TTN: variants seen among roughly 807,000 people sequenced by gnomAD.
TTN encodes titin, also known as connectin.
In TTN, 1,525 loss-of-function variants were observed where a neutral mutation model predicts 3,223.0. The observed-to-expected ratio is 0.47, with a 90% CI of 0.45 to 0.49. The LOEUF is 0.49. Ranked by LOEUF, TTN falls within the 20% of genes least tolerant of loss-of-function variation. The pLI is 0.00. For missense variants in TTN, 40,786 were observed against 43,424.0 expected (o/e 0.94, Z 5.40); for synonymous variants, 14,094 against 15,161.0 (o/e 0.93, Z 5.17).
At position 178,617,393 on chromosome 2, in the gene TTN, G is replaced by C; in HGVS notation, c.47692C>G (p.Arg15898Gly). The C allele has an allele frequency of 1.3e-6, 2 of 1,589,510 alleles. No homozygotes were observed. Among genetic ancestry groups the C allele is most frequent in the Non-Finnish European group, 1.7e-6 (2 of 1,170,750 alleles). ...GSPILGYIIE[R>G]CEEGKDNWIR... ...CAATTATCTTTTCCTTCTTCGCATCGCTCAATTATATAGCCTAATATTGGG... is the reference window on the plus strand; with the variant it reads ...CAATTATCTTTTCCTTCTTCGCATCCCTCAATTATATAGCCTAATATTGGG... Residue 15898 changes from arginine to glycine, a missense_variant, in exon 254 of 363, where the codon CGA (arginine) becomes GGA (glycine). Transcript: ENST00000589042.
In TTN at chr2:178,634,792, G is replaced by T. The variant is rs777098368; in HGVS notation, c.42082C>A (p.Leu14028Met). The T allele has an allele frequency of 6.2e-7, 1 of 1,612,994 alleles. No individual in the cohort carries two copies. Among genetic ancestry groups the T allele is most frequent in the Non-Finnish European group, 8.5e-7 (1 of 1,179,404 alleles). ...TAGAGGACTTCACCAGCTTGGTCCA[G>T]TTTGACTTTGTGCAAAGTTAAGAAG... ...KRFLTLHKVKLDQAGEVLYQA... is the reference protein window; with the variant it reads ...KRFLTLHKVKMDQAGEVLYQA... The change falls in exon 229 of 363, where the codon CTG becomes ATG. Residue 14028 changes from leucine (L) to methionine (M), a missense_variant. Physicochemically the swap from Leu to Met is conservative, Grantham distance 15. Transcript: ENST00000589042. This position sits in a 1 kb window ranked among gnomAD's most constrained non-coding sequence, Gnocchi z 4.6.
rs752560835 is a variant in TTN at position 178,789,461 on chromosome 2, T to C, written c.1975A>G (p.Ile659Val). Residue 659 changes from isoleucine to valine, a missense_variant, in exon 13 of 363, where the codon ATA (isoleucine) becomes GTA (valine). Physicochemically the swap from Ile to Val is conservative, Grantham distance 29 (BLOSUM62 3). Coordinates refer to ENST00000589042, the MANE Select transcript of TTN (RefSeq NM_001267550.2). ...TTGGCTTTAGCAGTAGCAACTGCTA[T>C]TGTAGACAAGGCAGTTTTCTCGGCT... ...KEAEKTALST[I>V]AVATAKAKEQ... is the part of the protein sequence containing the mutation. 8.1e-6 allele frequency: 13 copies of C among 1,613,460 alleles called. No homozygotes were observed. The highest frequency in any genetic ancestry group is 3.3e-5 in the Admixed American group (2 of 60,002).
Position 178,723,063 on chromosome 2 carries a change from G to A in TTN, c.21944C>T (p.Ala7315Val), listed in dbSNP as rs771646076. The stretch of plus-strand genomic sequence containing the variant: ...CAACACACCTAATGTAGATACCAGA[G>A]CTCCACAAACATCCCTTCCTGCCTC... ...ENEAGRDVCG[A>V]LVSTLEPPYF... Residue 7315 changes from alanine to valine, a missense_variant, in exon 75 of 363, where the codon GCT becomes GTT. By Grantham distance (64) the Ala-to-Val change is moderately conservative (BLOSUM62 0). Transcript: ENST00000589042. 6.2e-6 allele frequency: 10 copies of A among 1,613,418 alleles called. No individual in the cohort carries two copies. The highest frequency in any genetic ancestry group is 8.5e-6 in the Non-Finnish European group (10 of 1,179,630).
rs16866475 is a variant in TTN at position 178,727,602 on chromosome 2, G to A, written c.19976C>T (p.Thr6659Met). Residue 6659 changes from threonine (T) to methionine (M), a missense_variant, in exon 68 of 363, where the codon ACG becomes ATG. Thr to Met is a moderately conservative substitution (Grantham distance 81). Transcript: ENST00000589042. ...TTGCACACCTGTCACAAGCAACATCGTAGTACAAGAGTCGCTACCAACATC... is the reference window on the plus strand; with the variant it reads ...TTGCACACCTGTCACAAGCAACATCATAGTACAAGAGTCGCTACCAACATC... Reference protein sequence around the residue: ...TNDVGSDSCTTMLLVTEPPKF... With the variant: ...TNDVGSDSCTMMLLVTEPPKF... 3,563 of 1,579,350 alleles carry A rather than the reference G, an allele frequency of 2.3e-3. 73 individuals are homozygous for A. In the African/African-American group the frequency reaches 0.043, roughly 19 times the overall value.
At position 178,667,231 on chromosome 2, in the gene TTN, T is replaced by C; in HGVS notation, c.35797+5A>G. On this transcript the variant is annotated splice_donor_5th_base_variant and intron_variant, in intron 162 of 362. Transcript: ENST00000589042. The stretch of plus-strand genomic sequence containing the variant: ...CTTTAGATTTTCCTAACTAGAGAAT[T>C]ATACCTTCAGTTGGAGGATGTTCTG... 1 of 1,591,738 alleles carries C rather than the reference T, an allele frequency of 6.3e-7. No homozygotes were observed. The highest frequency in any genetic ancestry group is 8.6e-7 in the Non-Finnish European group (1 of 1,168,444).
At chr2:178,642,062 TAAAA>T (rs991939114) in intron 219 of TTN, among the ~76,000 whole-genome samples, 171 bp downstream of exon 219, 2 of 150,428 alleles carry the variant, frequency 1.3e-5, no homozygotes, top group Non-Finnish European at 3.0e-5. Context: ...CTTTTTTTTT[TAAAA>T]AAAAAGATCT....
At position 178,790,760 on chromosome 2, in the gene TTN, G is replaced by T. The variant is rs772836198; in HGVS notation, c.1748C>A (p.Ala583Asp). Reference protein sequence around the residue: ...KSTKLETVPGAQEETTTQQDQ... With the variant: ...KSTKLETVPGDQEETTTQQDQ... ...TTGTTGTGTGGTAGTTTCTTCTTGA[G>T]CTCCCGGGACTGTTTCTAGTTTTGT... is the stretch of plus-strand genomic sequence containing the variant. Residue 583 changes from alanine to aspartate, a missense_variant, in exon 11 of 363, where the codon GCT becomes GAT. Coordinates refer to ENST00000589042, the MANE Select transcript of TTN (RefSeq NM_001267550.2). The T allele has an allele frequency of 6.2e-7, 1 of 1,613,996 alleles. No homozygotes were observed. The highest frequency in any genetic ancestry group is 8.5e-7 in the Non-Finnish European group (1 of 1,180,012).
At position 178,699,215 on chromosome 2, in the gene TTN, A is replaced by T. The variant is rs186613205; in HGVS notation, c.30683-301T>A. Among the ~76,000 whole-genome samples the T allele has an allele frequency of 2.0e-3, 300 of 151,936 alleles. 1 individual carries two copies. The highest frequency in any genetic ancestry group is 6.9e-3 in the African/African-American group (285 of 41,494). On this transcript the variant is annotated intron_variant, in intron 111 of 362. Coordinates refer to ENST00000589042, the MANE Select transcript of TTN (RefSeq NM_001267550.2). The stretch of plus-strand genomic sequence containing the variant: ...GAATCTAAGTGATATCATAAATAGT[A>T]AAGTACACATTTTCATCTTTGCTTC...
chr2:178,554,571 G>A lies in TTN; in HGVS notation c.88776C>T (p.Ile29592=). 1 of 1,613,870 alleles carries A rather than the reference G, an allele frequency of 6.2e-7. No homozygotes were observed. The highest frequency in any genetic ancestry group is 8.5e-7 in the Non-Finnish European group (1 of 1,179,848). ...SMVSEHLEEC[I]ITTTKIIKGN... ...CTTTGATAATTTTGGTGGTTGTAAT[G>A]ATGCACTCTTCCAAATGTTCAGACA... The change falls in exon 332 of 363, where the codon ATC becomes ATT. Residue 29592 remains isoleucine, a synonymous_variant. Transcript: ENST00000589042.
rs1690291255 is a variant in TTN, at chr2:178,533,894, T to C, written c.102721A>G (p.Met34241Val). The part of the protein sequence containing the change: ...EVYDYYCRRT[M>V]KKIKRRTDTM... ...TCTGTTCTGCGCTTAATTTTCTTCA[T>C]GGTTCTACGGCAGTAATAGTCATAG... Residue 34241 changes from methionine to valine, a missense_variant, in exon 358 of 363, where the codon ATG becomes GTG. Transcript: ENST00000589042. 2.5e-6 allele frequency: 4 copies of C among 1,613,898 alleles called. No homozygotes were observed. The highest frequency in any genetic ancestry group is 3.4e-6 in the Non-Finnish European group (4 of 1,179,870).
Position 178,548,255 on chromosome 2 carries a change from TCAA to T in TTN, c.93368_93370del (p.Val31123del), listed in dbSNP as rs1559167400. On this transcript the variant is annotated inframe_deletion, in exon 339 of 363. Transcript: ENST00000589042. This position sits in a 1 kb window ranked among gnomAD's most constrained non-coding sequence, Gnocchi z 4.3. ...TAAGACTGCGGAGGATTTGCTAGTA[TCAA>T]CAACATCAAGTCTCCTAGGTGGAGC... 2 of 1,613,724 alleles carry T rather than the reference TCAA, an allele frequency of 1.2e-6. No homozygotes were observed. Among genetic ancestry groups the T allele is most frequent in the East Asian group, 2.2e-5 (1 of 44,874 alleles).
chr2:178,802,795 C>G (rs2094132901), intron 2 of TTN, among the ~76,000 whole-genome samples: 1 of 152,214 alleles, frequency 6.6e-6, no homozygotes, highest in African/African-American at 2.4e-5. Flanking sequence ...TTCTGCCTGA[C>G]AAGCCCAGGA....
Position 178,741,427 on chromosome 2 carries a change from A to G in TTN, c.11806T>C (p.Cys3936Arg). The G allele has an allele frequency of 6.2e-7, 1 of 1,613,888 alleles. No homozygotes were observed. Among genetic ancestry groups the G allele is most frequent in the Non-Finnish European group, 8.5e-7 (1 of 1,179,836 alleles). The change falls in exon 48 of 363, where the codon TGT (cysteine) becomes CGT (arginine). Residue 3936 changes from cysteine to arginine, a missense_variant. Cys to Arg is a radical substitution (Grantham distance 180, BLOSUM62 -3). Transcript: ENST00000589042. ...AKSLEKLGGP[C>R]PPHFLKELKP... is the part of the protein sequence containing the mutation. ...AACTCCTTAAGGAAGTGAGGAGGAC[A>G]AGGACCTCCCAGCTTTTCCAGAGAT...
At chr2:178,609,129 T>C (rs1485560992) in intron 273 of TTN, 79 bp downstream of exon 273, 6 of 1,415,546 alleles carry the variant, frequency 4.2e-6, no homozygotes, top group Admixed American at 6.4e-5. Flanking sequence ...CCCATTTCTT[T>C]TAACTCTCTC....
rs1420514205 is a variant in TTN at position 178,719,416 on chromosome 2, T to G, written c.23974A>C (p.Lys7992Gln). The change falls in exon 83 of 363, where the codon AAA becomes CAA. Residue 7992 changes from lysine (K) to glutamine (Q), a missense_variant. Coordinates refer to ENST00000589042, the MANE Select transcript of TTN (RefSeq NM_001267550.2). ...IVPPSFIRKL[K>Q]DVNAILGASV... ...GCCCCCAGGATGGCATTCACGTCTTTCAGCTTGCGGATGAAGGAAGGAGGC... is the reference window on the plus strand; with the variant it reads ...GCCCCCAGGATGGCATTCACGTCTTGCAGCTTGCGGATGAAGGAAGGAGGC... The G allele has an allele frequency of 6.2e-7, 1 of 1,613,152 alleles. No individual in the cohort carries two copies. The highest frequency in any genetic ancestry group is 1.1e-5 in the South Asian group (1 of 91,044).
intron 359 of TTN, 85 bp downstream of exon 359, chr2:178,529,875 A>T: frequency 7.5e-7 from 1 of 1,330,774 alleles, no homozygotes; most frequent in Non-Finnish European, 1.0e-6. Flanking sequence ...ACTTTCTTGT[A>T]TGTGTATATA....
chr2:178,574,168 G>T lies in TTN; in HGVS notation c.71964C>A (p.Gly23988=). ...NILENEFTVS[G]LTEDAAYEFR... ...ATTCATATGCAGCATCTTCTGTTAG[G>T]CCACTGACTGTAAATTCATTCTCCA... is the stretch of plus-strand genomic sequence containing the variant. Residue 23988 remains glycine, a synonymous_variant, in exon 326 of 363, where the codon GGC becomes GGA. Transcript: ENST00000589042. 6.2e-7 allele frequency: 1 copy of T among 1,613,524 alleles called. No homozygotes were observed. The highest frequency in any genetic ancestry group is 8.5e-7 in the Non-Finnish European group (1 of 1,179,640).
At position 178,633,317 on chromosome 2, in the gene TTN, A is replaced by G; in HGVS notation, c.42956T>C (p.Ile14319Thr). The change falls in exon 233 of 363, where the codon ATA (isoleucine) becomes ACA (threonine). Residue 14319 changes from isoleucine to threonine, a missense_variant. Ile to Thr is a moderately conservative substitution (Grantham distance 89, BLOSUM62 -1). Coordinates refer to ENST00000589042, the MANE Select transcript of TTN (RefSeq NM_001267550.2). ...TCCGTACAGAGGCTTTTCCACTTTT[A>G]TTAGTCGAGCTGAAATGATACAGTT... ...KANVTVEARL[I>T]KVEKPLYGVE... is the part of the protein sequence containing the mutation. The G allele has an allele frequency of 1.2e-6, 2 of 1,612,866 alleles. No homozygotes were observed. Among genetic ancestry groups the G allele is most frequent in the South Asian group, 1.1e-5 (1 of 90,836 alleles).
At chr2:178,778,282 C>T (rs570883682) in intron 24 of TTN, 1 of 348,834 alleles carries the variant, frequency 2.9e-6, no homozygotes, top group East Asian at 6.3e-5. Context: ...AGTCACTAGA[C>T]TTTTTTGATT....
Sources: allele counts gnomAD v4.1 joint callset (sites outside exome capture counted in the v4.1 genomes callset), GRCh38; gene constraint gnomAD v4.1.1; non-coding constraint Gnocchi (gnomAD v3.1); transcripts MANE v1.5; gene names NCBI Gene and HGNC (gene_info 2026-07-23, HGNC 2026-07-21).